SPATA6: variants seen among roughly 807,000 people sequenced by gnomAD.
SPATA6 encodes the protein spermatogenesis associated 6, also known as spermatogenesis-associated protein 6.
A neutral mutation model predicts 65.3 loss-of-function variants in SPATA6; 56 were observed. The ratio of observed to expected loss-of-function variants is 0.86; its 90% CI spans 0.69 to 1.07. The LOEUF is 1.07. Among genes scored for constraint, SPATA6 ranks in the 50% least tolerant of loss-of-function variants. The pLI is 0.00. For missense variants in SPATA6, 590 were observed against 594.8 expected, an observed-to-expected ratio of 0.99 and a Z score of 0.08; for synonymous variants, 199 against 213.2, an observed-to-expected ratio of 0.93 and a Z score of 0.58.
rs34415296 is a variant in SPATA6, at chr1:48,418,544, CAAAAAAAAA to C, written c.239-5402_239-5394del. On this transcript the variant is annotated intron_variant, in intron 3 of 12. Transcript: ENST00000371847. ...GCAACATGGCAAGAACCCATCCCTA[CAAAAAAAAA>C]AAAAAAAAAAAAAAAAAAAAAAAAA... is the stretch of plus-strand genomic sequence containing the variant. 4.0e-4 allele frequency among the ~76,000 whole-genome samples: 20 copies of C among 49,694 alleles called. No individual in the cohort carries two copies. The East Asian group carries it at 4.6e-3, about 11-fold the overall frequency. 32.6% of individuals were successfully genotyped at this position (49,694 alleles called of 152,430 possible). A position where few individuals can be genotyped will look rare whatever the true frequency, so the allele number is the denominator to read the frequency against.
At chr1:48,414,030 C>T (rs954927490) in intron 3 of SPATA6, among the ~76,000 whole-genome samples, 1 of 152,166 alleles carries the variant, frequency 6.6e-6, no homozygotes, top group African/African-American at 2.4e-5. Context: ...ACATATCAAG[C>T]AATTCAACTT....
chr1:48,343,534 CAGAG>C (rs1285765494), intron 11 of SPATA6, among the ~76,000 whole-genome samples: 1 of 151,892 alleles, frequency 6.6e-6, no homozygotes, highest in African/African-American at 2.4e-5. Flanking sequence ...TTGGATTTGC[CAGAG>C]AGAGAGGGAA....
intron 12 of SPATA6, among the ~76,000 whole-genome samples, chr1:48,301,850 T>C (rs1310769274): frequency 6.6e-6 from 1 of 152,148 alleles, no homozygotes; most frequent in African/African-American, 2.4e-5. Context: ...AAATAATGCC[T>C]ATATCTCACC....
intron 9 of SPATA6, among the ~76,000 whole-genome samples, chr1:48,371,665 G>A (rs555886348): frequency 1.3e-5 from 2 of 152,254 alleles, no homozygotes; most frequent in South Asian, 4.1e-4. Context: ...GTACTATCTA[G>A]AACCTGAAGC....
chr1:48,272,143 G>A, the SPATA6 span, among the ~76,000 whole-genome samples: 1 of 152,076 alleles, frequency 6.6e-6, no homozygotes, highest in African/African-American at 2.4e-5. Flanking sequence ...TGTCAATCAA[G>A]CTAATTAACA....
intron 5 of SPATA6, among the ~76,000 whole-genome samples, chr1:48,409,426 A>C (rs1329453321): frequency 1.3e-5 from 2 of 152,160 alleles, no homozygotes; most frequent in Non-Finnish European, 2.9e-5. Flanking sequence ...GAGTGTCTGC[A>C]GTTTTTTCCA....
the SPATA6 span, among the ~76,000 whole-genome samples, chr1:48,283,690 A>AG: frequency 1.0e-4 from 14 of 135,912 alleles, no homozygotes; most frequent in African/African-American, 8.4e-5. Flanking sequence ...AAAAAAAAAA[A>AG]AAAAAAAAAA....
chr1:48,270,095 T>C, the SPATA6 span, among the ~76,000 whole-genome samples: 1 of 152,082 alleles, frequency 6.6e-6, no homozygotes, highest in East Asian at 1.9e-4. Flanking sequence ...AGAAATGTAG[T>C]GATGCTTAAA....
At chr1:48,441,505 C>G (rs1655473625) in intron 3 of SPATA6, among the ~76,000 whole-genome samples, 1 of 152,178 alleles carries the variant, frequency 6.6e-6, no homozygotes, top group Non-Finnish European at 1.5e-5. Context: ...GAGCTATTAT[C>G]TACATGAATA....
At chr1:48,347,847 C>A (rs887332022) in intron 11 of SPATA6, among the ~76,000 whole-genome samples, 3 of 151,932 alleles carry the variant, frequency 2.0e-5, no homozygotes, top group Non-Finnish European at 4.4e-5. Context: ...TCAATTAGTC[C>A]TGCAACCCCT....
intron 8 of SPATA6, among the ~76,000 whole-genome samples, chr1:48,387,415 T>C (rs1204203733): frequency 2.6e-5 from 4 of 152,206 alleles, no homozygotes; most frequent in Admixed American, 6.5e-5. Flanking sequence ...GCACTGGGGC[T>C]GAGGCATAAG....
intron 11 of SPATA6, among the ~76,000 whole-genome samples, chr1:48,306,497 C>A (rs531444888): frequency 6.6e-6 from 1 of 151,864 alleles, no homozygotes; most frequent in Non-Finnish European, 1.5e-5. Context: ...GAAGAGATGG[C>A]TTTGTTAACT....
chr1:48,471,122 T>C (rs554619200), intron 1 of SPATA6, among the ~76,000 whole-genome samples: 3 of 152,184 alleles, frequency 2.0e-5, no homozygotes, highest in East Asian at 1.9e-4. Flanking sequence ...ACAAGGGGAA[T>C]AGAGTTTTCT....
At chr1:48,275,299 A>G in the SPATA6 span, among the ~76,000 whole-genome samples, 1 of 152,146 alleles carries the variant, frequency 6.6e-6, no homozygotes, top group Admixed American at 6.5e-5. Flanking sequence ...AGACAATTTG[A>G]CTTCCTCTCT....
At chr1:48,281,475 T>C in the SPATA6 span, among the ~76,000 whole-genome samples, 3 of 152,170 alleles carry the variant, frequency 2.0e-5, no homozygotes, top group Non-Finnish European at 4.4e-5. Context: ...TGATAAGCAA[T>C]TTCAGCAAAG....
At chr1:48,286,344 T>A in the SPATA6 span, among the ~76,000 whole-genome samples, 1 of 152,208 alleles carries the variant, frequency 6.6e-6, no homozygotes, top group Non-Finnish European at 1.5e-5. Flanking sequence ...TGAATTTCTT[T>A]CATCAATGTT....
intron 10 of SPATA6, 57 bp from the exon 11 acceptor site, chr1:48,355,826 C>T: frequency 7.2e-7 from 1 of 1,388,706 alleles, no homozygotes; most frequent in Non-Finnish European, 1.0e-6. Context: ...TGATTCTAAG[C>T]TATACTATCA....
At chr1:48,277,857 G>A in the SPATA6 span, among the ~76,000 whole-genome samples, 1 of 152,220 alleles carries the variant, frequency 6.6e-6, no homozygotes, top group Admixed American at 6.5e-5. Flanking sequence ...CTGGAGATCT[G>A]AGAATGGGCA....
the SPATA6 span, among the ~76,000 whole-genome samples, chr1:48,280,457 G>A: frequency 5.9e-5 from 9 of 152,042 alleles, no homozygotes; most frequent in African/African-American, 2.2e-4. Flanking sequence ...AAGAAGAAAA[G>A]AGAGAAGAAT....
Sources: gnomAD v4.1 joint callset for allele counts (sites outside exome capture counted in the v4.1 genomes callset) on GRCh38, gnomAD v4.1.1 for gene constraint, MANE v1.5 for transcripts, NCBI Gene and HGNC (gene_info 2026-07-23, HGNC 2026-07-21) for gene names.